Variants in WDR64 observed in about 807,000 individuals in gnomAD.
WDR64 encodes WD repeat domain 64, also known as WD repeat-containing protein 64.
In WDR64, 112 loss-of-function variants were observed where a neutral mutation model predicts 139.3. The ratio of observed to expected loss-of-function variants is 0.80; its 90% confidence interval spans 0.69 to 0.94. WDR64 has a LOEUF of 0.94. WDR64 is among the 40% of genes least tolerant of loss of function. WDR64 has a pLI of 0.00. For synonymous variants in WDR64, 444 were observed against 437.7 expected (o/e 1.01, Z -0.18); for missense variants, 1,206 against 1,293.1 (o/e 0.93, Z 1.03).
At chr1:241,765,208 C>A in intron 15 of WDR64, among the ~76,000 whole-genome samples, 1 of 150,324 alleles carries the variant, frequency 6.7e-6, no homozygotes. Flanking sequence ...AAGAATAGAG[C>A]AAAGAAACAT....
At chr1:241,694,887 T>C (rs1369810869) in intron 8 of WDR64, among the ~76,000 whole-genome samples, 2 of 152,182 alleles carry the variant, frequency 1.3e-5, no homozygotes, top group Non-Finnish European at 2.9e-5. Context: ...AGTAAGTCAC[T>C]ATGGGATAAG....
intron 8 of WDR64, among the ~76,000 whole-genome samples, chr1:241,693,353 G>C (rs1456764830): frequency 6.6e-6 from 1 of 152,172 alleles, no homozygotes; most frequent in Non-Finnish European, 1.5e-5. Flanking sequence ...CGACATTCTG[G>C]AAAATGTAAA....
chr1:241,716,660 A>T (rs541690256), intron 9 of WDR64, among the ~76,000 whole-genome samples: 3 of 152,154 alleles, frequency 2.0e-5, no homozygotes, highest in Admixed American at 2.0e-4. Context: ...TATGATGATG[A>T]TGATGATGAT....
chr1:241,741,727 A>T, intron 12 of WDR64, 63 bp downstream of exon 12: 1 of 1,463,176 alleles, frequency 6.8e-7, no homozygotes, highest in Non-Finnish European at 9.1e-7. Context: ...TTCTGTTCTT[A>T]AAATAAATCA....
At chr1:241,684,860 C>T (rs1574006420) in intron 7 of WDR64, among the ~76,000 whole-genome samples, 1 of 152,120 alleles carries the variant, frequency 6.6e-6, no homozygotes, top group Admixed American at 6.5e-5. Context: ...CGGGTTCAAG[C>T]GATTCTCCTG....
In WDR64 at chr1:241,652,389, G is replaced by A. The variant is rs12120410; in HGVS notation, c.-96G>A. 4.0e-5 allele frequency: 52 copies of A among 1,314,534 alleles called. No individual in the cohort carries two copies. The highest frequency in any genetic ancestry group is 5.3e-5 in the Non-Finnish European group (52 of 973,288). The allele number at this position is 1,314,534 out of a possible 1,614,324, so 81.4% of individuals were successfully genotyped here. On this transcript the variant is annotated 5_prime_UTR_variant, in exon 1 of 28. Transcript: ENST00000437684. ...GAATTAGACCTAGGGCAAAAACTGAGACAGCAGGGAGGCACTGTAACAACT... is the reference window on the plus strand; with the variant it reads ...GAATTAGACCTAGGGCAAAAACTGAAACAGCAGGGAGGCACTGTAACAACT...
At chr1:241,690,242 G>A (rs533415317) in intron 8 of WDR64, among the ~76,000 whole-genome samples, 29 of 152,286 alleles carry the variant, frequency 1.9e-4, no homozygotes, top group African/African-American at 6.5e-4. Context: ...GGAGGCCAAG[G>A]TGGGTGCATC....
rs1666632718 is a variant in WDR64 at position 241,678,167 on chromosome 1, T to C, written c.484-20T>C. Reference sequence around the variant, plus strand: ...TGGTAGTGCCAACTAGGTTTCATTATTCTCTTCCTTTGTTCATAGATGAGA... The same window carrying C: ...TGGTAGTGCCAACTAGGTTTCATTACTCTCTTCCTTTGTTCATAGATGAGA... On this transcript the variant is annotated intron_variant, in intron 4 of 27. Coordinates refer to ENST00000437684, the MANE Select transcript of WDR64 (RefSeq NM_001367482.1). 1 of 398,892 alleles carries C rather than the reference T, an allele frequency of 2.5e-6. No homozygotes were observed. The highest frequency in any genetic ancestry group is 4.4e-6 in the Non-Finnish European group (1 of 225,964). The allele number at this position is 398,892 out of a possible 1,614,324, so 24.7% of individuals were successfully genotyped here.
chr1:241,787,360 C>CAAAA (rs377529642), intron 23 of WDR64, among the ~76,000 whole-genome samples: 77 of 83,840 alleles, frequency 9.2e-4, no homozygotes, highest in African/African-American at 3.4e-3. Context: ...CGAGACTCCT[C>CAAAA]AAAAAAAAAA....
chr1:241,785,296 C>A (rs1304536587), intron 23 of WDR64, among the ~76,000 whole-genome samples: 2 of 152,150 alleles, frequency 1.3e-5, no homozygotes, highest in East Asian at 1.9e-4. Context: ...CTGGGATGTG[C>A]AAGATCAAGG....
chr1:241,765,411 C>A lies in WDR64; in HGVS notation c.1948-807C>A, dbSNP rs1289378512. On this transcript the variant is annotated intron_variant, in intron 15 of 27. Transcript: ENST00000437684. ...AAAAAAAATGTATTTGAGATAAACC[C>A]CAAAAATATTAATATTTAAAAGACT... is the stretch of plus-strand genomic sequence containing the variant. Among the ~76,000 whole-genome samples the A allele has an allele frequency of 2.0e-5, 3 of 151,844 alleles. No homozygotes were observed. The East Asian group carries it at 5.8e-4, about 29-fold the overall frequency.
At chr1:241,654,481 T>C (rs1352044432) in intron 1 of WDR64, among the ~76,000 whole-genome samples, 1 of 152,242 alleles carries the variant, frequency 6.6e-6, no homozygotes, top group Admixed American at 6.5e-5. Flanking sequence ...TGCACTAGAT[T>C]AACACTGTTA....
chr1:241,738,475 G>A lies in WDR64; in HGVS notation c.1307G>A (p.Gly436Asp). ...TCTATGATATATGATGCCAATCATG[G>A]CATGCTTATTACGGGTAAGTGTACC... ...IYSMIYDANH[G>D]MLITGSSVMD... The change falls in exon 11 of 28, where the codon GGC becomes GAC. Residue 436 changes from glycine (G) to aspartate (D), a missense_variant. By Grantham distance (94) the Gly-to-Asp change is moderately conservative. Transcript: ENST00000437684. 6.2e-7 allele frequency: 1 copy of A among 1,611,228 alleles called. No individual in the cohort carries two copies. Among genetic ancestry groups the A allele is most frequent in the South Asian group, 1.1e-5 (1 of 90,326 alleles).
chr1:241,693,068 C>A (rs1289359537), intron 8 of WDR64, among the ~76,000 whole-genome samples: 1 of 152,076 alleles, frequency 6.6e-6, no homozygotes, highest in African/African-American at 2.4e-5. Context: ...TTGGTATTTA[C>A]CCAAAGAAGT....
At chr1:241,795,063 T>C (rs893883301) in intron 25 of WDR64, 144 bp from the exon 26 acceptor site, 5 of 639,058 alleles carry the variant, frequency 7.8e-6, no homozygotes, top group Non-Finnish European at 1.1e-5. Flanking sequence ...TACATATTAT[T>C]TATTTGATTC....
At position 241,674,256 on chromosome 1, in the gene WDR64, C is replaced by CTTTTTTTTTTTTTTTTTTTT. The variant is rs544401027; in HGVS notation, c.380-384_380-383insTTTTTTTTTTTTTTTTTTTT. Among the ~76,000 whole-genome samples the CTTTTTTTTTTTTTTTTTTTT allele has an allele frequency of 1.5e-4, 18 of 121,344 alleles. 1 individual carries two copies. Among genetic ancestry groups the CTTTTTTTTTTTTTTTTTTTT allele is most frequent in the Non-Finnish European group, 2.4e-4 (14 of 58,912 alleles). The allele number at this position is 121,344 out of a possible 152,430, so 79.6% of individuals were successfully genotyped here. On this transcript the variant is annotated intron_variant, in intron 3 of 27. Transcript: ENST00000437684. ...AAGCTGGCTGTTTATCTTTTTTTTT[C>CTTTTTTTTTTTTTTTTTTTT]TTTTCTTTTTTTTTTTTTTTGAGAC...
At chr1:241,755,439 A>T (rs1279879126) in intron 14 of WDR64, among the ~76,000 whole-genome samples, 6 of 152,174 alleles carry the variant, frequency 3.9e-5, no homozygotes, top group Non-Finnish European at 5.9e-5. Context: ...AATTTGTTTA[A>T]GTTCTTTGTA....
At chr1:241,679,696 C>A in intron 6 of WDR64, 101 bp downstream of exon 6, 1 of 965,664 alleles carries the variant, frequency 1.0e-6, no homozygotes, top group Non-Finnish European at 1.6e-6. Context: ...GTTTCTTCAT[C>A]TATAAAATGA....
chr1:241,681,263 T>C (rs191568191), intron 6 of WDR64, among the ~76,000 whole-genome samples: 15 of 152,322 alleles, frequency 9.8e-5, no homozygotes, highest in African/African-American at 3.6e-4. Flanking sequence ...CATTTATCCC[T>C]TACCCCCTTC....
Sources: allele counts gnomAD v4.1 joint callset (sites outside exome capture counted in the v4.1 genomes callset), GRCh38; gene constraint gnomAD v4.1.1; transcripts MANE v1.5; gene names NCBI Gene and HGNC (gene_info 2026-07-23, HGNC 2026-07-21).